The following B4GALNT3 variants were observed in gnomAD, a reference collection of about 807,000 sequenced individuals.
The protein encoded by B4GALNT3 is beta-1,4-N-acetyl-galactosaminyltransferase 3.
B4GALNT3 carries 86 observed loss-of-function variants against 120.2 expected under a neutral mutation model. The observed-to-expected ratio is 0.72, with a 90% CI of 0.60 to 0.86. B4GALNT3 has a LOEUF of 0.86. Among genes scored for constraint, B4GALNT3 ranks in the 40% least tolerant of loss-of-function variants. The pLI is 0.00. For missense variants in B4GALNT3, 1,167 were observed against 1,298.9 expected, an observed-to-expected ratio of 0.90 and a Z score of 1.56; for synonymous variants, 518 against 510.4, an observed-to-expected ratio of 1.01 and a Z score of -0.20.
At chr12:520,689 C>T (rs1946701034) in intron 1 of B4GALNT3, among the ~76,000 whole-genome samples, 1 of 152,244 alleles carries the variant, frequency 6.6e-6, no homozygotes, top group Admixed American at 6.5e-5. Flanking sequence ...TGACAATTTT[C>T]CTGAGGCAGG....
intron 1 of B4GALNT3, among the ~76,000 whole-genome samples, chr12:512,717 CA>C: frequency 6.9e-6 from 1 of 144,776 alleles, no homozygotes; most frequent in Admixed American, 6.9e-5. Context: ...TTCCACCTTC[CA>C]CCTTCCACCT....
At chr12:544,759 C>A in intron 4 of B4GALNT3, 123 bp from the exon 5 acceptor site, 2 of 947,650 alleles carry the variant, frequency 2.1e-6, no homozygotes, top group Non-Finnish European at 3.2e-6. Context: ...CTGCACTCCA[C>A]TCACAAAGCC....
intron 1 of B4GALNT3, among the ~76,000 whole-genome samples, chr12:504,415 C>T (rs1946475177): frequency 6.6e-6 from 1 of 151,772 alleles, no homozygotes; most frequent in Admixed American, 6.6e-5. Flanking sequence ...TGAAACGTGT[C>T]TCAAATCCAG....
chr12:461,064 G>C (rs7963032), intron 1 of B4GALNT3, among the ~76,000 whole-genome samples: 2,985 of 152,204 alleles, frequency 0.02, 68 homozygotes, highest in East Asian at 0.11. Context: ...TTCTAGGGGG[G>C]TTCTTTTTTA....
At chr12:542,086 C>T (rs1001230877) in intron 3 of B4GALNT3, among the ~76,000 whole-genome samples, 3 of 152,156 alleles carry the variant, frequency 2.0e-5, no homozygotes, top group East Asian at 3.9e-4. Context: ...CACCCACCTA[C>T]CCAGCCTACT....
chr12:519,697 T>G (rs1234881545), intron 1 of B4GALNT3, among the ~76,000 whole-genome samples: 2 of 151,986 alleles, frequency 1.3e-5, no homozygotes, highest in African/African-American at 4.8e-5. Flanking sequence ...TTCTCTTTGA[T>G]TCCCACCAGA....
rs539962419 is a variant in B4GALNT3, at chr12:492,886, G to A, written c.169+32341G>A. Among the ~76,000 whole-genome samples the A allele has an allele frequency of 2.0e-5, 3 of 147,996 alleles. No individual in the cohort carries two copies. In the South Asian group the frequency reaches 6.4e-4, roughly 32 times the overall value. On this transcript the variant is annotated intron_variant, in intron 1 of 19. Transcript: ENST00000266383. ...GTAAAGATAGTCTTGTCAACAAGTG[G>A]TGCACATATGCAAAAAAAAAAAAAA... is the stretch of plus-strand genomic sequence containing the variant.
At chr12:479,834 G>A (rs1223301840) in intron 1 of B4GALNT3, among the ~76,000 whole-genome samples, 1 of 151,030 alleles carries the variant, frequency 6.6e-6, no homozygotes, top group Non-Finnish European at 1.5e-5. Flanking sequence ...TAAGTGCAGT[G>A]GATCCTGGAG....
At chr12:488,745 A>G (rs1946313715) in intron 1 of B4GALNT3, among the ~76,000 whole-genome samples, 1 of 152,160 alleles carries the variant, frequency 6.6e-6, no homozygotes, top group South Asian at 2.1e-4. Flanking sequence ...GCTTGAGCCC[A>G]GGAGCCCAAG....
intron 1 of B4GALNT3, among the ~76,000 whole-genome samples, chr12:524,080 C>T (rs796742559): frequency 7.9e-5 from 12 of 152,192 alleles, no homozygotes; most frequent in African/African-American, 2.9e-4. Context: ...AACAAAAAAA[C>T]ACACATCGGA....
At chr12:542,985 G>C in intron 3 of B4GALNT3, 1 of 558,842 alleles carries the variant, frequency 1.8e-6, no homozygotes, top group Non-Finnish European at 2.9e-6. Flanking sequence ...GATCAGGGAT[G>C]GGGAGGGGAG....
At chr12:540,515 G>T (rs1227004425) in intron 3 of B4GALNT3, 1 of 152,226 alleles carries the variant, frequency 6.6e-6, no homozygotes, top group Non-Finnish European at 1.5e-5. Flanking sequence ...GCCACGTAAG[G>T]AAGAAATGAA....
intron 18 of B4GALNT3, 88 bp downstream of exon 18, chr12:558,749 C>A: frequency 7.2e-7 from 1 of 1,386,222 alleles, no homozygotes; most frequent in South Asian, 1.3e-5. Context: ...TATCTATGAG[C>A]GTCAGCATCC....
rs1439760773 is a variant in B4GALNT3 at position 548,419 on chromosome 12, G to A, written c.853+122G>A. The stretch of plus-strand genomic sequence containing the variant: ...GAAGCTCGAGATGCTTGGGACACGG[G>A]TATGAAGGGGTCCAGAACAAGAGTG... On this transcript the variant is annotated intron_variant, in intron 9 of 19. Transcript: ENST00000266383. The surrounding 1 kb of genome is among the most constrained non-coding windows in gnomAD (Gnocchi z 4.9). The A allele has an allele frequency of 5.9e-6, 5 of 848,742 alleles. No individual in the cohort carries two copies. Among genetic ancestry groups the A allele is most frequent in the African/African-American group, 5.0e-5 (3 of 59,628 alleles). 52.6% of individuals were successfully genotyped at this position (848,742 alleles called of 1,614,324 possible).
chr12:473,745 G>A (rs1420508404), intron 1 of B4GALNT3, among the ~76,000 whole-genome samples: 1 of 152,182 alleles, frequency 6.6e-6, no homozygotes, highest in Non-Finnish European at 1.5e-5. Flanking sequence ...GCTATGCTCT[G>A]GGTGTTAGGG....
At chr12:500,381 G>A (rs937378852) in intron 1 of B4GALNT3, among the ~76,000 whole-genome samples, 1 of 152,196 alleles carries the variant, frequency 6.6e-6, no homozygotes, top group African/African-American at 2.4e-5. Flanking sequence ...TCAACAGGAG[G>A]TTCATGGGAG....
intron 1 of B4GALNT3, among the ~76,000 whole-genome samples, chr12:497,499 G>A (rs1246925054): frequency 2.6e-5 from 4 of 152,166 alleles, no homozygotes; most frequent in Non-Finnish European, 4.4e-5. Context: ...GCCACGTTTT[G>A]TTCACCCATT....
At position 553,371 on chromosome 12, in the gene B4GALNT3, G is replaced by A. The variant is rs375520881; in HGVS notation, c.1448G>A (p.Arg483Gln). ...CTGCGGAAACTCCTGGCTCAGCCCC[G>A]GGAGGGCCTGCTGGCCCCCTTCTCC... ...RSLRKLLAQP[R>Q]EGLLAPFSKR... is the part of the protein sequence containing the mutation. Residue 483 changes from arginine to glutamine, a missense_variant, in exon 14 of 20, where the codon CGG (arginine) becomes CAG (glutamine). Coordinates refer to ENST00000266383, the MANE Select transcript of B4GALNT3 (RefSeq NM_173593.4). 1.8e-5 allele frequency: 29 copies of A among 1,613,642 alleles called. 1 individual carries two copies. The highest frequency in any genetic ancestry group is 4.4e-5 in the South Asian group (4 of 91,082).
chr12:470,988 CAA>C (rs2120433135), intron 1 of B4GALNT3, among the ~76,000 whole-genome samples: 1 of 152,158 alleles, frequency 6.6e-6, no homozygotes, highest in African/African-American at 2.4e-5. Context: ...CTCAGCCTCC[CAA>C]AGTGCTGGGA....
Sources: gnomAD v4.1 joint callset for allele counts (sites outside exome capture counted in the v4.1 genomes callset) on GRCh38, gnomAD v4.1.1 for gene constraint, Gnocchi (gnomAD v3.1) non-coding constraint, MANE v1.5 for transcripts, NCBI Gene and HGNC (gene_info 2026-07-23, HGNC 2026-07-21) for gene names.